Variants in GLS observed in about 807,000 individuals in gnomAD.
GLS encodes the protein glutaminase, also known as glutaminase kidney isoform, mitochondrial.
In GLS, 36 loss-of-function variants were observed where a neutral mutation model predicts 86.7. The ratio of observed to expected loss-of-function variants is 0.42; its 90% confidence interval spans 0.32 to 0.55. The LOEUF (loss-of-function observed/expected upper bound fraction) is 0.55. GLS is among the 20% of genes least tolerant of loss of function. GLS has a pLI of 0.17. For missense variants in GLS, 528 were observed against 833.4 expected (o/e 0.63, Z 4.51); for synonymous variants, 317 against 305.9 (o/e 1.04, Z -0.38).
At position 190,897,982 on chromosome 2, in the gene GLS, C is replaced by T. The variant is rs1688804895; in HGVS notation, c.605+2257C>T. 6.6e-6 allele frequency among the ~76,000 whole-genome samples: 1 copy of T among 152,050 alleles called. No individual in the cohort carries two copies. The highest frequency in any genetic ancestry group is 2.4e-5 in the African/African-American group (1 of 41,378). ...GTTCGAAAGTTGGAGACTGCCTGTA[C>T]CCAGGTTGATAGTCAATTGTTTTTA... On this transcript the variant is annotated intron_variant, in intron 3 of 17. Transcript: ENST00000320717. This position sits in a 1 kb window ranked among gnomAD's most constrained non-coding sequence, Gnocchi z 4.3.
rs547133592 is a variant in GLS at position 190,955,078 on chromosome 2, T to A, written c.1853+260T>A. 6.6e-6 allele frequency among the ~76,000 whole-genome samples: 1 copy of A among 152,308 alleles called. No individual in the cohort carries two copies. The highest frequency in any genetic ancestry group is 2.1e-4 in the South Asian group (1 of 4,822). On this transcript the variant is annotated intron_variant, in intron 17 of 17. Coordinates refer to ENST00000320717, the MANE Select transcript of GLS (RefSeq NM_014905.5). This position sits in a 1 kb window ranked among gnomAD's most constrained non-coding sequence, Gnocchi z 5.6. ...TACACTGTATGAACAAAACAATTTTTTTTTTGCATTTGGGAAGAAAGAATT... is the reference window on the plus strand; with the variant it reads ...TACACTGTATGAACAAAACAATTTTATTTTTGCATTTGGGAAGAAAGAATT...
intron 14 of GLS, among the ~76,000 whole-genome samples, chr2:190,948,534 A>G (rs1318070157): frequency 6.6e-6 from 1 of 152,214 alleles, no homozygotes; most frequent in African/African-American, 2.4e-5. Flanking sequence ...CAAAATTTTA[A>G]AGGGGAATGT....
At chr2:190,900,801 C>T (rs1688914698) in intron 4 of GLS, 108 bp downstream of exon 4, 1 of 726,348 alleles carries the variant, frequency 1.4e-6, no homozygotes, top group African/African-American at 1.8e-5. Context: ...AAAGAAAACA[C>T]TTTAGCTTCG....
Position 190,953,354 on chromosome 2 carries a change from T to G in GLS, c.1651-211T>G, listed in dbSNP as rs2124948001. 6.6e-6 allele frequency among the ~76,000 whole-genome samples: 1 copy of G among 152,274 alleles called. No individual in the cohort carries two copies. ...TTCCTTCCCTTGTGTATCTTATCTT[T>G]ATTATTGAATTTTCCCTCACAATCC... is the stretch of plus-strand genomic sequence containing the variant. On this transcript the variant is annotated intron_variant, in intron 14 of 17. Transcript: ENST00000320717. The surrounding 1 kb of genome is among the most constrained non-coding windows in gnomAD (Gnocchi z 4.0).
chr2:190,896,645 T>G (rs958819427), intron 3 of GLS: 2 of 152,214 alleles, frequency 1.3e-5, no homozygotes, highest in Non-Finnish European at 1.5e-5. Context: ...TTAACTGTGG[T>G]TCTCTGAAGT....
intron 1 of GLS, among the ~76,000 whole-genome samples, chr2:190,891,377 G>T (rs114000177): frequency 1.3e-5 from 2 of 151,930 alleles, no homozygotes; most frequent in Non-Finnish European, 2.9e-5. Context: ...AGAGAATCTG[G>T]TGGGGGCAAA....
chr2:190,937,788 T>C (rs1690314365), intron 14 of GLS, among the ~76,000 whole-genome samples: 1 of 150,566 alleles, frequency 6.6e-6, no homozygotes, highest in South Asian at 2.1e-4. Flanking sequence ...CCAAAATGAA[T>C]AGGATACTAA....
rs114183856 is a variant in GLS, at chr2:190,892,197, T to A, written c.387-2955T>A. Among the ~76,000 whole-genome samples the A allele has an allele frequency of 2.1e-3, 322 of 152,088 alleles. 1 individual carries two copies. Among genetic ancestry groups the A allele is most frequent in the African/African-American group, 7.4e-3 (306 of 41,492 alleles). ...TTTTTAAGACAGTTAAAGGCTAAAG[T>A]AGGGGAAGGAATGGGTAAAAGAAGA... On this transcript the variant is annotated intron_variant, in intron 1 of 17. Transcript: ENST00000320717.
intron 14 of GLS, chr2:190,932,962 T>C (rs988594315): frequency 7.8e-7 from 1 of 1,280,294 alleles, no homozygotes; most frequent in Admixed American, 3.9e-5. Context: ...GTATTTTTTG[T>C]TCTCAATCTT....
chr2:190,909,607 T>C (rs758526561), intron 6 of GLS, among the ~76,000 whole-genome samples: 3 of 152,156 alleles, frequency 2.0e-5, no homozygotes, highest in Non-Finnish European at 4.4e-5. Context: ...ATATAATCAG[T>C]TGAGTTTTGA....
chr2:190,891,972 C>T (rs746762773), intron 1 of GLS, among the ~76,000 whole-genome samples: 4 of 152,108 alleles, frequency 2.6e-5, no homozygotes, highest in Admixed American at 6.5e-5. Context: ...AGGTTTAGCT[C>T]AGATTCCACC....
At position 190,895,739 on chromosome 2, in the gene GLS, C is replaced by T. The variant is rs1559318434; in HGVS notation, c.605+14C>T. On this transcript the variant is annotated intron_variant, in intron 3 of 17. Coordinates refer to ENST00000320717, the MANE Select transcript of GLS (RefSeq NM_014905.5). This position sits in a 1 kb window ranked among gnomAD's most constrained non-coding sequence, Gnocchi z 4.2. ...TCTTTTTAAAAAGTAAAAGTTTCTG[C>T]CAAACCTTTAATGGTGATTTGCTAT... The T allele has an allele frequency of 6.4e-7, 1 of 1,568,278 alleles. No individual in the cohort carries two copies. Among genetic ancestry groups the T allele is most frequent in the Non-Finnish European group, 8.7e-7 (1 of 1,150,830 alleles).
intron 1 of GLS, among the ~76,000 whole-genome samples, chr2:190,891,239 T>C (rs1005348454): frequency 6.6e-5 from 10 of 152,204 alleles, no homozygotes; most frequent in Non-Finnish European, 1.3e-4. Context: ...ATTTGTCTCA[T>C]GGCTTTAGTC....
At chr2:190,882,994 C>T (rs1688255343) in intron 1 of GLS, among the ~76,000 whole-genome samples, 1 of 152,182 alleles carries the variant, frequency 6.6e-6, no homozygotes, top group African/African-American at 2.4e-5. Context: ...AATGCAGTCA[C>T]AACCGTTTAA....
rs1313465138 is a variant in GLS at position 190,897,779 on chromosome 2, C to T, written c.605+2054C>T. Among the ~76,000 whole-genome samples, 3 of 152,096 alleles carry T rather than the reference C, an allele frequency of 2.0e-5. No homozygotes were observed. The highest frequency in any genetic ancestry group is 4.4e-5 in the Non-Finnish European group (3 of 68,020). On this transcript the variant is annotated intron_variant, in intron 3 of 17. Transcript: ENST00000320717. This position sits in a 1 kb window ranked among gnomAD's most constrained non-coding sequence, Gnocchi z 4.3. ...TTAAAACATGGGATTCATTTTTCCCCAGAGAAATAATTTATAAAGGTGGGT... is the reference window on the plus strand; with the variant it reads ...TTAAAACATGGGATTCATTTTTCCCTAGAGAAATAATTTATAAAGGTGGGT...
At chr2:190,933,130 G>T (rs898515450) in intron 14 of GLS, 8 of 879,874 alleles carry the variant, frequency 9.1e-6, no homozygotes, top group African/African-American at 1.8e-5. Context: ...TTTTTTTGAT[G>T]TAATTAAAAT....
rs911420686 is a variant in GLS, at chr2:190,880,909, G to A, written c.-176G>A. ...AGCAGCAGCAGCAGCAGCAGCAGCAGCAGCAGCAGCACCCGCATCCGCTGC... is the reference window on the plus strand; with the variant it reads ...AGCAGCAGCAGCAGCAGCAGCAGCAACAGCAGCAGCACCCGCATCCGCTGC... On this transcript the variant is annotated 5_prime_UTR_variant, in exon 1 of 18. Coordinates refer to ENST00000320717, the MANE Select transcript of GLS (RefSeq NM_014905.5). 1.1e-6 allele frequency: 1 copy of A among 938,562 alleles called. No homozygotes were observed. The highest frequency in any genetic ancestry group is 1.6e-6 in the Non-Finnish European group (1 of 621,324). 58.1% of individuals were successfully genotyped at this position (938,562 alleles called of 1,614,324 possible). A position where few individuals can be genotyped will look rare whatever the true frequency, so the allele number is the denominator to read the frequency against.
Position 190,956,024 on chromosome 2 carries a change from C to T in GLS, c.1853+1206C>T, listed in dbSNP as rs1027465259. Among the ~76,000 whole-genome samples the T allele has an allele frequency of 1.4e-4, 21 of 152,100 alleles. No homozygotes were observed. The highest frequency in any genetic ancestry group is 4.8e-4 in the African/African-American group (20 of 41,422). On this transcript the variant is annotated intron_variant, in intron 17 of 17. Coordinates refer to ENST00000320717, the MANE Select transcript of GLS (RefSeq NM_014905.5). The surrounding 1 kb of genome is among the most constrained non-coding windows in gnomAD (Gnocchi z 4.2). ...TCCTTGTAGATTCTGGATATTAGCCCTTTGTCAGATGGATAGATCGCAAAA... is the reference window on the plus strand; with the variant it reads ...TCCTTGTAGATTCTGGATATTAGCCTTTTGTCAGATGGATAGATCGCAAAA...
chr2:190,888,520 G>T (rs1688462226), intron 1 of GLS, among the ~76,000 whole-genome samples: 1 of 152,148 alleles, frequency 6.6e-6, no homozygotes, highest in Admixed American at 6.6e-5. Flanking sequence ...TCCCTGAAAG[G>T]CCAAATAGTA....
Sources: gnomAD v4.1 joint callset for allele counts (sites outside exome capture counted in the v4.1 genomes callset) on GRCh38, gnomAD v4.1.1 for gene constraint, Gnocchi (gnomAD v3.1) non-coding constraint, MANE v1.5 for transcripts, NCBI Gene and HGNC (gene_info 2026-07-23, HGNC 2026-07-21) for gene names.